The following PATJ variants were observed in gnomAD, a reference collection of about 807,000 sequenced individuals.
PATJ encodes the protein PATJ crumbs cell polarity complex component, also known as inaD-like protein.
A neutral mutation model predicts 224.9 loss-of-function variants in PATJ; 190 were observed. The observed-to-expected ratio is 0.84, with a 90% CI of 0.75 to 0.95. The LOEUF (loss-of-function observed/expected upper bound fraction) is 0.95. PATJ is among the 40% of genes least tolerant of loss of function. The pLI, the probability that PATJ is intolerant of heterozygous loss-of-function variation, is 0.00. For synonymous variants in PATJ, 769 were observed against 820.3 expected, an observed-to-expected ratio of 0.94 and a Z score of 1.07; for missense variants, 2,121 against 2,270.3, an observed-to-expected ratio of 0.93 and a Z score of 1.34.
At chr1:62,109,286 A>G (rs1252478475) in intron 34 of PATJ, among the ~76,000 whole-genome samples, 1 of 151,972 alleles carries the variant, frequency 6.6e-6, no homozygotes, top group Non-Finnish European at 1.5e-5. Flanking sequence ...TTTGCTTTGC[A>G]ACTTTAATAT....
chr1:62,032,809 G>A (rs1384747344), intron 29 of PATJ, among the ~76,000 whole-genome samples: 1 of 152,196 alleles, frequency 6.6e-6, no homozygotes, highest in Non-Finnish European at 1.5e-5. Flanking sequence ...AAAGGAAAGA[G>A]ATTTAACTGA....
At chr1:61,986,302 T>C (rs1348863777) in intron 27 of PATJ, among the ~76,000 whole-genome samples, 2 of 152,136 alleles carry the variant, frequency 1.3e-5, no homozygotes, top group African/African-American at 4.8e-5. Flanking sequence ...GAGAAATGTG[T>C]CTACATCATA....
intron 29 of PATJ, among the ~76,000 whole-genome samples, chr1:62,026,754 C>T (rs1648023188): frequency 6.6e-6 from 1 of 152,126 alleles, no homozygotes; most frequent in African/African-American, 2.4e-5. Context: ...ATAATTCAAA[C>T]ATATTTTCAT....
chr1:61,832,504 A>G (rs1221898068), intron 16 of PATJ, among the ~76,000 whole-genome samples: 2 of 152,202 alleles, frequency 1.3e-5, no homozygotes, highest in African/African-American at 4.8e-5. Flanking sequence ...GAGGTTACCC[A>G]AAGATTTAGA....
intron 26 of PATJ, among the ~76,000 whole-genome samples, chr1:61,927,349 C>T (rs2149287021): frequency 6.6e-6 from 1 of 152,168 alleles, no homozygotes; most frequent in South Asian, 2.1e-4. Flanking sequence ...ATAGTTTTTA[C>T]TTTTACATTT....
intron 43 of PATJ, among the ~76,000 whole-genome samples, chr1:62,157,970 A>T (rs1169801543): frequency 1.3e-5 from 2 of 149,486 alleles, no homozygotes; most frequent in Admixed American, 7.0e-5. Flanking sequence ...GCAGTTTTTC[A>T]GAGCCTATGA....
intron 11 of PATJ, among the ~76,000 whole-genome samples, 184 bp from the exon 12 acceptor site, chr1:61,801,439 A>G (rs540803966): frequency 2.6e-5 from 4 of 152,254 alleles, no homozygotes; most frequent in African/African-American, 7.2e-5. Flanking sequence ...TTGGTTGTCT[A>G]TTACACATGG....
intron 9 of PATJ, among the ~76,000 whole-genome samples, chr1:61,794,667 G>GT (rs1464621874): frequency 6.6e-6 from 1 of 151,700 alleles, no homozygotes; most frequent in East Asian, 1.9e-4. Context: ...CTAATTTGTT[G>GT]TTGTTGTTGT....
At chr1:61,958,034 T>C (rs1680682679) in intron 27 of PATJ, among the ~76,000 whole-genome samples, 1 of 152,222 alleles carries the variant, frequency 6.6e-6, no homozygotes, top group Non-Finnish European at 1.5e-5. Context: ...GCTTTGTAAA[T>C]GGTAAGCACT....
intron 34 of PATJ, among the ~76,000 whole-genome samples, chr1:62,113,813 C>T (rs889259618): frequency 6.6e-6 from 1 of 152,152 alleles, no homozygotes. Context: ...AAGTTTATAG[C>T]TATGTAAAAT....
intron 27 of PATJ, among the ~76,000 whole-genome samples, chr1:61,971,582 T>C (rs577522769): frequency 6.6e-6 from 1 of 152,130 alleles, no homozygotes; most frequent in African/African-American, 2.4e-5. Context: ...CACTGCACTC[T>C]AGCCTGAGTG....
At chr1:62,145,445 T>G (rs542738207) in intron 41 of PATJ, among the ~76,000 whole-genome samples, 1 of 152,254 alleles carries the variant, frequency 6.6e-6, no homozygotes, top group East Asian at 1.9e-4. Flanking sequence ...GAGGATTACT[T>G]GAGCCCAGGA....
intron 27 of PATJ, among the ~76,000 whole-genome samples, chr1:61,985,687 T>A (rs78012175): frequency 0.023 from 3,548 of 152,106 alleles, 121 homozygotes; most frequent in African/African-American, 0.058. Context: ...CTGCAGATGT[T>A]CCAGGGTCTT....
At chr1:61,869,097 A>ATTT (rs113334846) in intron 20 of PATJ, among the ~76,000 whole-genome samples, 12 of 125,510 alleles carry the variant, frequency 9.6e-5, no homozygotes, top group Non-Finnish European at 1.3e-4. Flanking sequence ...TGGAAATAAC[A>ATTT]TTTTTTTTTT....
intron 33 of PATJ, among the ~76,000 whole-genome samples, chr1:62,085,639 C>G (rs1177238948): frequency 6.6e-6 from 1 of 151,674 alleles, no homozygotes; most frequent in Non-Finnish European, 1.5e-5. Flanking sequence ...CATAGCAAGA[C>G]CTCATCTCTA....
intron 17 of PATJ, among the ~76,000 whole-genome samples, chr1:61,855,681 T>G (rs765538734): frequency 3.3e-5 from 5 of 152,196 alleles, no homozygotes; most frequent in Non-Finnish European, 5.9e-5. Context: ...CCCAAAGTGC[T>G]GGGATTACAG....
chr1:62,036,001 G>A (rs1650308962), intron 29 of PATJ, among the ~76,000 whole-genome samples: 1 of 150,856 alleles, frequency 6.6e-6, no homozygotes, highest in Non-Finnish European at 1.5e-5. Context: ...GCTAAGAAGT[G>A]GAAAGAAAGT....
At chr1:61,820,717 GA>G (rs1657086250) in intron 14 of PATJ, among the ~76,000 whole-genome samples, 3 of 152,184 alleles carry the variant, frequency 2.0e-5, no homozygotes, top group Non-Finnish European at 4.4e-5. Context: ...CAAAATCAGT[GA>G]AAATTTAGCA....
chr1:61,913,037 G>A (rs1019548190), intron 25 of PATJ, among the ~76,000 whole-genome samples: 1 of 152,058 alleles, frequency 6.6e-6, no homozygotes, highest in Non-Finnish European at 1.5e-5. Context: ...TATCGTTACT[G>A]TTGTTTTTTA....
Sources: gnomAD v4.1 joint callset for allele counts (sites outside exome capture counted in the v4.1 genomes callset) on GRCh38, gnomAD v4.1.1 for gene constraint, MANE v1.5 for transcripts, NCBI Gene and HGNC (gene_info 2026-07-23, HGNC 2026-07-21) for gene names.